Variants in FLII observed in about 807,000 individuals in gnomAD.
FLII encodes the protein FLII actin remodeling protein.
Under a neutral mutation model 156.2 loss-of-function variants are expected in FLII, and 101 were observed. The ratio of observed to expected loss-of-function variants is 0.65; its 90% CI spans 0.55 to 0.76. The LOEUF is 0.76. Ranked by LOEUF, FLII falls within the 30% of genes least tolerant of loss-of-function variation. The pLI, the probability that FLII is intolerant of heterozygous loss-of-function variation, is 0.00. For synonymous variants in FLII, 767 were observed against 685.8 expected, an observed-to-expected ratio of 1.12 and a Z score of -1.85; for missense variants, 1,675 against 1,682.8, an observed-to-expected ratio of 1.00 and a Z score of 0.08.
rs770195567 is a variant in FLII, at chr17:18,254,543, G to A, written c.553C>T (p.Pro185Ser). 3.1e-6 allele frequency: 5 copies of A among 1,612,842 alleles called. No homozygotes were observed. Among genetic ancestry groups the A allele is most frequent in the Non-Finnish European group, 3.4e-6 (4 of 1,179,764 alleles). ...CACCGGAGCTGTGCATGCAGCAGGG[G>A]GTTTCCATTGAGCACGAGCGTCTGC... is the stretch of plus-strand genomic sequence containing the variant. The part of the protein sequence containing the change: ...HLQTLVLNGN[P>S]LLHAQLRQLP... Residue 185 changes from proline (P) to serine (S), a missense_variant, in exon 6 of 30, where the codon CCC (proline) becomes TCC (serine). By Grantham distance (74) the Pro-to-Ser change is moderately conservative. Coordinates refer to ENST00000327031, the MANE Select transcript of FLII (RefSeq NM_002018.4).
In FLII at chr17:18,249,394, G is replaced by A. The variant is rs375874676; in HGVS notation, c.1791C>T (p.Asp597=). The A allele has an allele frequency of 6.2e-7, 1 of 1,613,920 alleles. No individual in the cohort carries two copies. The highest frequency in any genetic ancestry group is 1.3e-5 in the African/African-American group (1 of 74,922). ...CTGTTCCACCCTCAATGTAGGAGAT[G>A]TCGTTGTCAAACACCTGTGTGTGTG... ...SEEFLQVFDN[D]ISYIEGGTAS... Residue 597 remains aspartate (D), a synonymous_variant, in exon 15 of 30, where the codon GAC becomes GAT. Transcript: ENST00000327031.
At chr17:18,250,024 G>A (rs906025582) in intron 14 of FLII, among the ~76,000 whole-genome samples, 12 of 152,100 alleles carry the variant, frequency 7.9e-5, no homozygotes, top group Non-Finnish European at 1.6e-4. Flanking sequence ...GGGAGGCTGA[G>A]GCAGGAGAAT....
At chr17:18,248,257 C>T (rs952711164) in intron 18 of FLII, among the ~76,000 whole-genome samples, 2 of 152,210 alleles carry the variant, frequency 1.3e-5, no homozygotes, top group Admixed American at 6.5e-5. Context: ...TTCTAATTAA[C>T]GTGTCCCTTT....
intron 4 of FLII, 140 bp downstream of exon 4, chr17:18,255,043 T>G: frequency 1.1e-6 from 1 of 915,554 alleles, no homozygotes; most frequent in Non-Finnish European, 1.8e-6. Flanking sequence ...AAAAGTGACC[T>G]CAGGCAAGGT....
At position 18,246,780 on chromosome 17, in the gene FLII, C is replaced by T. The variant is rs935917289; in HGVS notation, c.2865G>A (p.Lys955=). 23 of 1,613,458 alleles carry T rather than the reference C, an allele frequency of 1.4e-5. No individual in the cohort carries two copies. Among genetic ancestry groups the T allele is most frequent in the Non-Finnish European group, 1.9e-5 (22 of 1,179,754 alleles). Residue 955 remains lysine (K), a synonymous_variant, in exon 23 of 30, where the codon AAG becomes AAA. Transcript: ENST00000327031. ...CTTCTTTGCCCTCGGCCTTCTCCTCCTTGTCTTCCTTCTTTTCCTCCTCCT... is the reference window on the plus strand; with the variant it reads ...CTTCTTTGCCCTCGGCCTTCTCCTCTTTGTCTTCCTTCTTTTCCTCCTCCT... ...EYEEEEKKED[K]EEKAEGKEGE...
chr17:18,247,876 G>T, intron 19 of FLII, 28 bp from the exon 20 acceptor site: 1 of 1,613,726 alleles, frequency 6.2e-7, no homozygotes, highest in South Asian at 1.1e-5. Flanking sequence ...GGAGGTCAAA[G>T]CCCAGCCAAC....
chr17:18,245,712 G>A (rs372545912), intron 27 of FLII, 32 bp downstream of exon 27: 1 of 1,611,348 alleles, frequency 6.2e-7, no homozygotes, highest in Admixed American at 1.7e-5. Context: ...GCAGTGCCAG[G>A]ACTGAGGGGA....
In FLII at chr17:18,248,634, G is replaced by T; in HGVS notation, c.2106C>A (p.Phe702Leu). ...LLVQGQELPEFWEALGGEPSE... is the reference protein window; with the variant it reads ...LLVQGQELPELWEALGGEPSE... Reference sequence around the variant, plus strand: ...AGGGCTCCCCACCCAGTGCCTCCCAGAACTCTGGGAGCTCCTGGCCCTGCA... The same window carrying T: ...AGGGCTCCCCACCCAGTGCCTCCCATAACTCTGGGAGCTCCTGGCCCTGCA... Residue 702 changes from phenylalanine to leucine, a missense_variant, in exon 18 of 30, where the codon TTC (phenylalanine) becomes TTA (leucine). Physicochemically the swap from Phe to Leu is conservative, Grantham distance 22. Around this residue, in one of 2 missense-constraint regions of FLII, gnomAD observed 1,332 missense variants for 1,269.3 expected, o/e 1.05. Coordinates refer to ENST00000327031, the MANE Select transcript of FLII (RefSeq NM_002018.4). 1 of 1,613,922 alleles carries T rather than the reference G, an allele frequency of 6.2e-7. No individual in the cohort carries two copies. Among genetic ancestry groups the T allele is most frequent in the Non-Finnish European group, 8.5e-7 (1 of 1,179,954 alleles).
rs781323638 is a variant in FLII at position 18,245,744 on chromosome 17, CG to C, written c.3502del (p.Arg1168GlyfsTer11). On this transcript the variant is annotated frameshift_variant and splice_region_variant, in exon 27 of 30. Coordinates refer to ENST00000327031, the MANE Select transcript of FLII (RefSeq NM_002018.4). LOFTEE classifies it high-confidence loss of function. ...GGGAGGGTCAGGGCCCTGGCCTCAC[CG>C]GAAGAGACGTGTGTGTTTCATGTAC... is the stretch of plus-strand genomic sequence containing the variant. Reference protein sequence around the residue: ...AEYMKHTRLFRCSNEKGYFAV... With the variant: ...AEYMKHTRLFXCSNEKGYFAV... The C allele has an allele frequency of 2.5e-6, 4 of 1,613,566 alleles. No individual in the cohort carries two copies. The highest frequency in any genetic ancestry group is 3.4e-6 in the Non-Finnish European group (4 of 1,179,772).
At chr17:18,253,114 C>T (rs2048317597) in intron 9 of FLII, among the ~76,000 whole-genome samples, 187 bp downstream of exon 9, 1 of 152,248 alleles carries the variant, frequency 6.6e-6, no homozygotes, top group Admixed American at 6.5e-5. Flanking sequence ...TGCACCACTA[C>T]ATTCCAGCCC....
Position 18,246,460 on chromosome 17 carries a change from C to T in FLII, c.3054G>A (p.Val1018=). Residue 1018 remains valine (V), a splice_region_variant and synonymous_variant, in exon 24 of 30, where the codon GTG becomes GTA. Transcript: ENST00000327031. ...FESLFPGKLE[V]VRMTQQQENP... The stretch of plus-strand genomic sequence containing the variant: ...TCTCCTGCTGCTGCGTCATGCGTAC[C>T]ACCTGGGGATGTGGAAGTGTTAGGG... The T allele has an allele frequency of 6.2e-7, 1 of 1,613,888 alleles. No homozygotes were observed. Among genetic ancestry groups the T allele is most frequent in the Non-Finnish European group, 8.5e-7 (1 of 1,179,998 alleles).
intron 10 of FLII, 151 bp from the exon 11 acceptor site, chr17:18,252,297 G>T: frequency 1.1e-6 from 1 of 912,286 alleles, no homozygotes; most frequent in Non-Finnish European, 1.7e-6. Context: ...CTGGCTGGGG[G>T]CTTAAATGAG....
Position 18,246,464 on chromosome 17 carries a change from T to C in FLII, c.3052-2A>G. The C allele has an allele frequency of 6.2e-7, 1 of 1,613,834 alleles. No individual in the cohort carries two copies. The highest frequency in any genetic ancestry group is 8.5e-7 in the Non-Finnish European group (1 of 1,179,976). ...CTGCTGCTGCGTCATGCGTACCACC[T>C]GGGGATGTGGAAGTGTTAGGGGCAG... On this transcript the variant is annotated splice_acceptor_variant, in intron 23 of 29. Coordinates refer to ENST00000327031, the MANE Select transcript of FLII (RefSeq NM_002018.4). LOFTEE classifies it high-confidence loss of function.
chr17:18,245,275 G>T lies in FLII; in HGVS notation c.3676-3C>A, dbSNP rs1200096466. ...GACCGCATGTGCTGGATATATACCT[G>T]GCAAGGGGACAGCGAGCCTTGGGTG... On this transcript the variant is annotated splice_region_variant and splice_polypyrimidine_tract_variant and intron_variant, in intron 29 of 29. Coordinates refer to ENST00000327031, the MANE Select transcript of FLII (RefSeq NM_002018.4). The T allele has an allele frequency of 6.2e-7, 1 of 1,612,566 alleles. No individual in the cohort carries two copies. Among genetic ancestry groups the T allele is most frequent in the South Asian group, 1.1e-5 (1 of 91,050 alleles).
rs775270194 is a variant in FLII at position 18,249,242 on chromosome 17, G to C, written c.1860-41C>G. The C allele has an allele frequency of 1.9e-6, 3 of 1,610,952 alleles. No homozygotes were observed. The East Asian group carries it at 6.7e-5, about 36-fold the overall frequency. On this transcript the variant is annotated intron_variant, in intron 15 of 29. Coordinates refer to ENST00000327031, the MANE Select transcript of FLII (RefSeq NM_002018.4). ...GAGTGGCTCAGTGTAGGCACCAAGG[G>C]CCTAACTTAGCCCCAACACCCTCCC...
chr17:18,247,330 C>T lies in FLII; in HGVS notation c.2515G>A (p.Asp839Asn), dbSNP rs2048108468. 1 of 1,606,888 alleles carries T rather than the reference C, an allele frequency of 6.2e-7. No individual in the cohort carries two copies. Among genetic ancestry groups the T allele is most frequent in the Admixed American group, 1.7e-5 (1 of 57,376 alleles). Reference sequence around the variant, plus strand: ...GTGTAGTCCACCGTCAACACATCGTCCCAATTCTTGAACTTGGCCTTGAAC... The same window carrying T: ...GTGTAGTCCACCGTCAACACATCGTTCCAATTCTTGAACTTGGCCTTGAAC... Reference protein sequence around the residue: ...QVFKAKFKNWDDVLTVDYTRN... With the variant: ...QVFKAKFKNWNDVLTVDYTRN... Residue 839 changes from aspartate to asparagine, a missense_variant, in exon 21 of 30, where the codon GAC becomes AAC. This residue lies in a region of FLII where 1,332 missense variants were observed against 1,269.3 expected (regional missense o/e 1.05). Coordinates refer to ENST00000327031, the MANE Select transcript of FLII (RefSeq NM_002018.4).
chr17:18,246,658 C>T lies in FLII; in HGVS notation c.2987G>A (p.Gly996Asp), dbSNP rs1157854987. 1.2e-6 allele frequency: 2 copies of T among 1,613,908 alleles called. No homozygotes were observed. The highest frequency in any genetic ancestry group is 2.2e-5 in the South Asian group (2 of 91,004). Reference protein sequence around the residue: ...FWQGREASNMGWLTFTFSLQK... With the variant: ...FWQGREASNMDWLTFTFSLQK... The stretch of plus-strand genomic sequence containing the variant: ...CAGGCTGAAGGTGAAGGTGAGCCAG[C>T]CCATATTGGAGGCTTCACGGCCCTG... The change falls in exon 23 of 30, where the codon GGC (glycine) becomes GAC (aspartate). Residue 996 changes from glycine to aspartate, a missense_variant. Gly to Asp is a moderately conservative substitution (Grantham distance 94). Transcript: ENST00000327031.
intron 13 of FLII, 119 bp from the exon 14 acceptor site, chr17:18,251,136 T>C: frequency 1.4e-6 from 2 of 1,412,780 alleles, no homozygotes; most frequent in South Asian, 1.3e-5. Context: ...CCCCTGTGCC[T>C]GGACCACCTC....
chr17:18,248,753 C>T (rs1257697838), intron 17 of FLII, 32 bp from the exon 18 acceptor site: 2 of 1,613,922 alleles, frequency 1.2e-6, no homozygotes, highest in Admixed American at 3.3e-5. Flanking sequence ...ATCAGCGAGG[C>T]TCACACCCCT....
Sources: gnomAD v4.1 joint callset for allele counts (sites outside exome capture counted in the v4.1 genomes callset) on GRCh38, gnomAD v4.1.1 for gene constraint, gnomAD v4.1.1 regional missense constraint, MANE v1.5 for transcripts, NCBI Gene and HGNC (gene_info 2026-07-23, HGNC 2026-07-21) for gene names.